HAND2: variants seen among roughly 807,000 people sequenced by gnomAD.
The protein encoded by HAND2 is heart and neural crest derivatives expressed 2, also known as heart- and neural crest derivatives-expressed protein 2.
Under a neutral mutation model 14.7 loss-of-function variants are expected in HAND2, and 2 were observed. That is an observed-to-expected ratio of 0.14 (90% confidence interval 0.06 to 0.43). The LOEUF (loss-of-function observed/expected upper bound fraction) is 0.43. HAND2 is among the 20% of genes least tolerant of loss of function. HAND2 has a pLI of 0.99. For missense variants in HAND2, 275 were observed against 313.6 expected, an observed-to-expected ratio of 0.88 and a Z score of 0.93; for synonymous variants, 162 against 135.9, an observed-to-expected ratio of 1.19 and a Z score of -1.34.
chr4:173,529,125 G>T lies in HAND2; in HGVS notation c.165C>A (p.Pro55=). 6.7e-7 allele frequency: 1 copy of T among 1,487,434 alleles called. No homozygotes were observed. The highest frequency in any genetic ancestry group is 2.5e-5 in the East Asian group (1 of 39,344). 92.1% of individuals were successfully genotyped at this position (1,487,434 alleles called of 1,614,324 possible). ...GWLIGHPEMS[P]PDYSMALSYS... is the part of the protein sequence containing the mutation. ...AGGACAGGGCCATGCTGTAGTCGGG[G>T]GGCGACATCTCGGGGTGGCCGATGA... Residue 55 remains proline (P), a synonymous_variant, in exon 1 of 2, where the codon CCC becomes CCA. Transcript: ENST00000359562.
At position 173,529,325 on chromosome 4, in the gene HAND2, C is replaced by T. The variant is rs1365454766; in HGVS notation, c.-36G>A. ...GCGCCCCTCCACGCGCCCCAGCGTG[C>T]GCGCAGCCCCGCCGCGCCCTCGGCC... On this transcript the variant is annotated 5_prime_UTR_variant, in exon 1 of 2. Coordinates refer to ENST00000359562, the MANE Select transcript of HAND2 (RefSeq NM_021973.3). The T allele has an allele frequency of 1.6e-6, 2 of 1,274,256 alleles. No homozygotes were observed. The highest frequency in any genetic ancestry group is 9.8e-7 in the Non-Finnish European group (1 of 1,016,190). The allele number at this position is 1,274,256 out of a possible 1,614,324, so 78.9% of individuals were successfully genotyped here.
In HAND2 at chr4:173,527,393, G is replaced by T; in HGVS notation, c.556-18C>A. 6.4e-7 allele frequency: 1 copy of T among 1,563,628 alleles called. No individual in the cohort carries two copies. Among genetic ancestry groups the T allele is most frequent in the Non-Finnish European group, 8.8e-7 (1 of 1,134,382 alleles). On this transcript the variant is annotated intron_variant, in intron 1 of 1. Coordinates refer to ENST00000359562, the MANE Select transcript of HAND2 (RefSeq NM_021973.3). ...ATTTCGTTCTGGACAGAGGAAAGGCGAGGGCGAGAAAAGTGGAAAGAGAAA... is the reference window on the plus strand; with the variant it reads ...ATTTCGTTCTGGACAGAGGAAAGGCTAGGGCGAGAAAAGTGGAAAGAGAAA...
In HAND2 at chr4:173,528,564, ACT is replaced by A. The variant is rs948789735; in HGVS notation, c.555+169_555+170del. 1.3e-6 allele frequency: 1 copy of A among 749,584 alleles called. No homozygotes were observed. Among genetic ancestry groups the A allele is most frequent in the Non-Finnish European group, 2.2e-6 (1 of 452,754 alleles). The allele number at this position is 749,584 out of a possible 1,614,324, so 46.4% of individuals were successfully genotyped here. On this transcript the variant is annotated intron_variant, in intron 1 of 1. Coordinates refer to ENST00000359562, the MANE Select transcript of HAND2 (RefSeq NM_021973.3). The surrounding 1 kb of genome is among the most constrained non-coding windows in gnomAD (Gnocchi z 5.6). ...TCCTCCTGCTGACACCCTCCCCTCAACTCTCTGCTTATGCCGGAAGCCATCCT... is the reference window on the plus strand; with the variant it reads ...TCCTCCTGCTGACACCCTCCCCTCAACTCTGCTTATGCCGGAAGCCATCCT...
intron 1 of HAND2, 78 bp from the exon 2 acceptor site, chr4:173,527,453 A>G: frequency 1.1e-6 from 1 of 951,014 alleles, no homozygotes. Flanking sequence ...ACCAACCCGG[A>G]GCTTCCTGCG....
intron 1 of HAND2, chr4:173,527,740 C>G (rs1731503572): frequency 4.2e-6 from 1 of 239,182 alleles, no homozygotes; most frequent in Admixed American, 5.1e-5. Flanking sequence ...AGATCCACAT[C>G]TAGGAAAAAT....
rs1255250303 is a variant in HAND2 at position 173,529,236 on chromosome 4, G to A, written c.54C>T (p.Tyr18=). The A allele has an allele frequency of 4.2e-6, 6 of 1,415,806 alleles. No individual in the cohort carries two copies. The highest frequency in any genetic ancestry group is 1.5e-5 in the African/African-American group (1 of 65,974). 87.7% of individuals were successfully genotyped at this position (1,415,806 alleles called of 1,614,324 possible). ...PHHPVVHHEG[Y]PFAAAAAAAA... ...CTGCGGCGGCGGCGGCGGCAAACGG[G>A]TAGCCCTCGTGGTGCACCACCGGGT... is the stretch of plus-strand genomic sequence containing the variant. Residue 18 remains tyrosine (Y), a synonymous_variant, in exon 1 of 2, where the codon TAC becomes TAT. Transcript: ENST00000359562.
rs1731491823 is a variant in HAND2 at position 173,527,395 on chromosome 4, G to A, written c.556-20C>T. On this transcript the variant is annotated intron_variant, in intron 1 of 1. Transcript: ENST00000359562. ...TTCGTTCTGGACAGAGGAAAGGCGA[G>A]GGCGAGAAAAGTGGAAAGAGAAATT... 1 of 1,559,944 alleles carries A rather than the reference G, an allele frequency of 6.4e-7. No individual in the cohort carries two copies.
chr4:173,527,106 C>T lies in HAND2; in HGVS notation c.*171G>A. 1.4e-6 allele frequency: 1 copy of T among 702,734 alleles called. No individual in the cohort carries two copies. The highest frequency in any genetic ancestry group is 2.0e-5 in the Admixed American group (1 of 50,026). The allele number at this position is 702,734 out of a possible 1,614,324, so 43.5% of individuals were successfully genotyped here. A position where few individuals can be genotyped will look rare whatever the true frequency, so the allele number is the denominator to read the frequency against. Reference sequence around the variant, plus strand: ...AGGGGGAGACGGGGAGCAGATGCCTCAAAGGGGGTCAAAGAGAGGGGAAGG... The same window carrying T: ...AGGGGGAGACGGGGAGCAGATGCCTTAAAGGGGGTCAAAGAGAGGGGAAGG... On this transcript the variant is annotated 3_prime_UTR_variant, in exon 2 of 2. Transcript: ENST00000359562.
In HAND2 at chr4:173,527,238, T is replaced by A; in HGVS notation, c.*39A>T. On this transcript the variant is annotated 3_prime_UTR_variant, in exon 2 of 2. Coordinates refer to ENST00000359562, the MANE Select transcript of HAND2 (RefSeq NM_021973.3). ...GGTCTGCATCTGGCGCCTTGGCCCC[T>A]GCTCACTCGCGCTCTCCTCCTCCTC... 1 of 1,419,256 alleles carries A rather than the reference T, an allele frequency of 7.0e-7. No homozygotes were observed. The highest frequency in any genetic ancestry group is 9.9e-7 in the Non-Finnish European group (1 of 1,008,562). 87.9% of individuals were successfully genotyped at this position (1,419,256 alleles called of 1,614,324 possible). A position where few individuals can be genotyped will look rare whatever the true frequency, so the allele number is the denominator to read the frequency against.
Position 173,526,957 on chromosome 4 carries a change from C to G in HAND2, c.*320G>C, listed in dbSNP as rs543928823. ...GCGGGGGGCAACGCTGGTGTCTACA[C>G]AGCCAAGAGGGAACATTCACGCACA... On this transcript the variant is annotated 3_prime_UTR_variant, in exon 2 of 2. Coordinates refer to ENST00000359562, the MANE Select transcript of HAND2 (RefSeq NM_021973.3). 9.3e-5 allele frequency: 52 copies of G among 557,316 alleles called. No homozygotes were observed. Among genetic ancestry groups the G allele is most frequent in the Non-Finnish European group, 1.6e-4 (47 of 292,510 alleles). The allele number at this position is 557,316 out of a possible 1,614,324, so 34.5% of individuals were successfully genotyped here.
Position 173,528,846 on chromosome 4 carries a change from G to A in HAND2, c.444C>T (p.Ile148=), listed in dbSNP as rs758728186. The A allele has an allele frequency of 1.4e-5, 22 of 1,614,242 alleles. 1 individual carries two copies. In the South Asian group the frequency reaches 2.4e-4, roughly 18 times the overall value. Residue 148 remains isoleucine, a synonymous_variant, in exon 1 of 2, where the codon ATC becomes ATT. Transcript: ENST00000359562. The surrounding 1 kb of genome is among the most constrained non-coding windows in gnomAD (Gnocchi z 5.6). ...IKTLRLATSY[I]AYLMDLLAKD... is the part of the protein sequence containing the mutation. ...TGGCCAGCAGGTCCATGAGGTAGGC[G>A]ATGTAGCTGGTGGCCAGGCGCAGGG...
chr4:173,528,729 A>G lies in HAND2; in HGVS notation c.555+6T>C. 2 of 1,611,514 alleles carry G rather than the reference A, an allele frequency of 1.2e-6. No individual in the cohort carries two copies. The highest frequency in any genetic ancestry group is 2.2e-5 in the East Asian group (1 of 44,786). ...GCCCCACCGCCTGCCGCCCCCTGGTACTGACCAGCTCCTTCTTCCTCTTCT... is the reference window on the plus strand; with the variant it reads ...GCCCCACCGCCTGCCGCCCCCTGGTGCTGACCAGCTCCTTCTTCCTCTTCT... On this transcript the variant is annotated splice_donor_region_variant and intron_variant, in intron 1 of 1. Transcript: ENST00000359562. The surrounding 1 kb of genome is among the most constrained non-coding windows in gnomAD (Gnocchi z 5.6).
Position 173,527,324 on chromosome 4 carries a change from G to A in HAND2, c.607C>T (p.Arg203Trp), listed in dbSNP as rs1283528814. 1 of 1,613,596 alleles carries A rather than the reference G, an allele frequency of 6.2e-7. No individual in the cohort carries two copies. The highest frequency in any genetic ancestry group is 1.3e-5 in the African/African-American group (1 of 74,890). The change falls in exon 2 of 2, where the codon CGG (arginine) becomes TGG (tryptophan). Residue 203 changes from arginine (R) to tryptophan (W), a missense_variant. Physicochemically the swap from Arg to Trp is moderately radical, Grantham distance 101. Coordinates refer to ENST00000359562, the MANE Select transcript of HAND2 (RefSeq NM_021973.3). Reference sequence around the variant, plus strand: ...CAGACGTGCTGCGGCCAGCCCGTCCGGCCTTTGGTTTTCTTGTCGTTGCTG... The same window carrying A: ...CAGACGTGCTGCGGCCAGCCCGTCCAGCCTTTGGTTTTCTTGTCGTTGCTG... ...VSSNDKKTKG[R>W]TGWPQHVWAL...
intron 1 of HAND2, 152 bp from the exon 2 acceptor site, chr4:173,527,527 A>C (rs928137283): frequency 1.4e-6 from 1 of 710,894 alleles, no homozygotes; most frequent in Non-Finnish European, 2.6e-6. Flanking sequence ...CCTGCAGAGA[A>C]GCTACCAAGG....
rs779116452 is a variant in HAND2, at chr4:173,528,719, G to A, written c.555+16C>T. Reference sequence around the variant, plus strand: ...GACCCCCTCAGCCCCACCGCCTGCCGCCCCCTGGTACTGACCAGCTCCTTC... The same window carrying A: ...GACCCCCTCAGCCCCACCGCCTGCCACCCCCTGGTACTGACCAGCTCCTTC... On this transcript the variant is annotated intron_variant, in intron 1 of 1. Coordinates refer to ENST00000359562, the MANE Select transcript of HAND2 (RefSeq NM_021973.3). This position sits in a 1 kb window ranked among gnomAD's most constrained non-coding sequence, Gnocchi z 5.6. The A allele has an allele frequency of 1.9e-5, 31 of 1,607,456 alleles. No individual in the cohort carries two copies. Among genetic ancestry groups the A allele is most frequent in the Non-Finnish European group, 2.5e-5 (29 of 1,177,116 alleles).
At chr4:173,527,558 G>T (rs1282859718) in intron 1 of HAND2, 183 bp from the exon 2 acceptor site, 1 of 633,336 alleles carries the variant, frequency 1.6e-6, no homozygotes, top group South Asian at 1.8e-5. Context: ...CCTAGCCGGC[G>T]GGGAGGCCTC....
At position 173,527,292 on chromosome 4, in the gene HAND2, C is replaced by T; in HGVS notation, c.639G>A (p.Leu213=). 1 of 1,612,418 alleles carries T rather than the reference C, an allele frequency of 6.2e-7. No homozygotes were observed. Residue 213 remains leucine (L), a synonymous_variant, in exon 2 of 2, where the codon CTG becomes CTA. Transcript: ENST00000359562. ...CTCCTCCTCCTCACTGCTTGAGCTC[C>T]AGGGCCCAGACGTGCTGCGGCCAGC... ...RTGWPQHVWA[L]ELKQ
At chr4:173,527,586 C>G (rs1731499278) in intron 1 of HAND2, 1 of 590,342 alleles carries the variant, frequency 1.7e-6, no homozygotes, top group Non-Finnish European at 3.0e-6. Flanking sequence ...CAGCGCTCAA[C>G]AACCGGATCC....
chr4:173,526,940 C>T lies in HAND2; in HGVS notation c.*337G>A. 1 of 535,900 alleles carries T rather than the reference C, an allele frequency of 1.9e-6. No individual in the cohort carries two copies. The highest frequency in any genetic ancestry group is 3.6e-6 in the Non-Finnish European group (1 of 278,694). 33.2% of individuals were successfully genotyped at this position (535,900 alleles called of 1,614,324 possible). A position where few individuals can be genotyped will look rare whatever the true frequency, so the allele number is the denominator to read the frequency against. ...AGGGGTTGAGTAGGTTGGCGGGGGG[C>T]AACGCTGGTGTCTACACAGCCAAGA... On this transcript the variant is annotated 3_prime_UTR_variant, in exon 2 of 2. Coordinates refer to ENST00000359562, the MANE Select transcript of HAND2 (RefSeq NM_021973.3).
Sources: allele counts gnomAD v4.1 joint callset, GRCh38; gene constraint gnomAD v4.1.1; non-coding constraint Gnocchi (gnomAD v3.1); transcripts MANE v1.5; gene names NCBI Gene and HGNC (gene_info 2026-07-23, HGNC 2026-07-21).